SDK1: variants seen among roughly 807,000 people sequenced by gnomAD.
SDK1 encodes sidekick cell adhesion molecule 1, also known as protein sidekick-1.
A neutral mutation model predicts 245.5 loss-of-function variants in SDK1; 157 were observed. The ratio of observed to expected loss-of-function variants is 0.64; its 90% confidence interval spans 0.56 to 0.73. The LOEUF (loss-of-function observed/expected upper bound fraction) is 0.73. SDK1 is among the 30% of genes least tolerant of loss of function. The pLI, the probability that SDK1 is intolerant of heterozygous loss-of-function variation, is 0.00. For missense variants in SDK1, 3,583 were observed against 3,002.3 expected (o/e 1.19, Z -4.52); for synonymous variants, 1,647 against 1,278.5 (o/e 1.29, Z -6.15).
chr7:3,550,310 G>A (rs1211748829), intron 1 of SDK1, among the ~76,000 whole-genome samples: 4 of 152,018 alleles, frequency 2.6e-5, no homozygotes, highest in Non-Finnish European at 5.9e-5. Context: ...CCTTTATATT[G>A]TAGTCATTTG....
intron 1 of SDK1, among the ~76,000 whole-genome samples, chr7:3,382,993 A>G (rs1166535323): frequency 6.6e-6 from 1 of 152,218 alleles, no homozygotes; most frequent in East Asian, 1.9e-4. Context: ...CAACTTATGA[A>G]TACCATAGGT....
At chr7:3,965,566 C>T (rs746668231) in intron 9 of SDK1, among the ~76,000 whole-genome samples, 1 of 152,150 alleles carries the variant, frequency 6.6e-6, no homozygotes, top group Non-Finnish European at 1.5e-5. Context: ...TTGATTTGCT[C>T]ATTTAGCAAG....
intron 35 of SDK1, among the ~76,000 whole-genome samples, chr7:4,203,766 A>G (rs771197536): frequency 1.1e-4 from 17 of 152,244 alleles, no homozygotes; most frequent in Non-Finnish European, 2.5e-4. Context: ...GAAGTCTCCA[A>G]ACCGACACGC....
chr7:3,598,022 A>C (rs1032732791), intron 1 of SDK1, among the ~76,000 whole-genome samples: 1 of 152,148 alleles, frequency 6.6e-6, no homozygotes, highest in African/African-American at 2.4e-5. Flanking sequence ...GCCTTTTTCT[A>C]AAGTGGTTGT....
intron 8 of SDK1, among the ~76,000 whole-genome samples, chr7:3,961,612 G>T (rs1303850381): frequency 6.6e-6 from 1 of 152,148 alleles, no homozygotes; most frequent in Non-Finnish European, 1.5e-5. Flanking sequence ...AATACCTCTT[G>T]TGCCTCCTCC....
intron 1 of SDK1, among the ~76,000 whole-genome samples, chr7:3,536,258 G>A (rs1445368872): frequency 2.0e-5 from 3 of 151,534 alleles, no homozygotes; most frequent in Non-Finnish European, 4.4e-5. Flanking sequence ...ACTAGAGACG[G>A]GGTTGCACCA....
chr7:3,403,364 G>A (rs931144818), intron 1 of SDK1, among the ~76,000 whole-genome samples: 1 of 152,052 alleles, frequency 6.6e-6, no homozygotes, highest in African/African-American at 2.4e-5. Context: ...CTTTCAAATG[G>A]TGGGAAATGA....
At chr7:4,210,849 G>A (rs759428595) in intron 38 of SDK1, among the ~76,000 whole-genome samples, 17 of 152,342 alleles carry the variant, frequency 1.1e-4, no homozygotes, top group East Asian at 1.9e-4. Flanking sequence ...CAGCCCGAGC[G>A]TGATCAGTGC....
chr7:3,802,577 C>T (rs1381081877), intron 4 of SDK1, among the ~76,000 whole-genome samples: 1 of 151,954 alleles, frequency 6.6e-6, no homozygotes, highest in Non-Finnish European at 1.5e-5. Flanking sequence ...TCACCACAGA[C>T]ATCCATCCCC....
chr7:4,051,489 T>A lies in SDK1; in HGVS notation c.2719-149T>A. On this transcript the variant is annotated intron_variant, in intron 18 of 44. Transcript: ENST00000404826. ...TAAAATATATTTTTATCTCAACTTTTTTCAAGCGTGATTATAAAATGCAGG... is the reference window on the plus strand; with the variant it reads ...TAAAATATATTTTTATCTCAACTTTATTCAAGCGTGATTATAAAATGCAGG... 4.7e-6 allele frequency: 3 copies of A among 643,134 alleles called. No homozygotes were observed. The South Asian group carries it at 6.9e-5, about 15-fold the overall frequency. 39.8% of individuals were successfully genotyped at this position (643,134 alleles called of 1,614,324 possible).
In SDK1 at chr7:4,139,737, A is replaced by ATGTGTG. The variant is rs753347309; in HGVS notation, c.4229-5969_4229-5964dup. On this transcript the variant is annotated intron_variant, in intron 28 of 44. Transcript: ENST00000404826. Reference sequence around the variant, plus strand: ...TGTGTGTGTATGTGTGTGTGTGTGTATGTGTGTGTGTGTGTGTGTGTATAA... The same window carrying ATGTGTG: ...TGTGTGTGTATGTGTGTGTGTGTGTATGTGTGTGTGTGTGTGTGTGTGTGTGTATAA... 1.7e-4 allele frequency among the ~76,000 whole-genome samples: 11 copies of ATGTGTG among 63,150 alleles called. 1 individual carries two copies. The highest frequency in any genetic ancestry group is 4.7e-4 in the African/African-American group (9 of 19,132). The allele number at this position is 63,150 out of a possible 152,430, so 41.4% of individuals were successfully genotyped here. A position where few individuals can be genotyped will look rare whatever the true frequency, so the allele number is the denominator to read the frequency against.
Position 4,205,883 on chromosome 7 carries a change from G to C in SDK1, c.5103G>C (p.Pro1701=). 6.4e-7 allele frequency: 1 copy of C among 1,553,086 alleles called. No homozygotes were observed. Among genetic ancestry groups the C allele is most frequent in the Non-Finnish European group, 8.7e-7 (1 of 1,147,714 alleles). ...PVEVFVGEAA[P]AMAPQNVQVT... is the part of the protein sequence containing the mutation. ...TCCGCATTGCTCTTTCCTCAGCCCC[G>C]GCCATGGCCCCGCAGAACGTGCAGG... The change falls in exon 36 of 45, where the codon CCG becomes CCC. Residue 1701 remains proline, a synonymous_variant. Transcript: ENST00000404826.
intron 25 of SDK1, among the ~76,000 whole-genome samples, chr7:4,122,314 G>C (rs527377274): frequency 1.1e-4 from 17 of 152,106 alleles, no homozygotes; most frequent in East Asian, 1.9e-4. Flanking sequence ...TTTTTGAAAT[G>C]GGGGGAGGCA....
At chr7:4,077,231 CT>C in intron 21 of SDK1, 42 bp downstream of exon 21, 1 of 1,578,422 alleles carries the variant, frequency 6.3e-7, no homozygotes, top group South Asian at 1.1e-5. Context: ...TCACCTTTCT[CT>C]TGGAGATTCC....
intron 22 of SDK1, among the ~76,000 whole-genome samples, chr7:4,086,508 C>T (rs1166229149): frequency 6.6e-6 from 1 of 152,120 alleles, no homozygotes; most frequent in Non-Finnish European, 1.5e-5. Flanking sequence ...TGCTGTCAGC[C>T]ATGGTCATTC....
intron 4 of SDK1, among the ~76,000 whole-genome samples, chr7:3,752,071 A>G (rs2115065557): frequency 6.6e-6 from 1 of 152,288 alleles, no homozygotes; most frequent in African/African-American, 2.4e-5. Flanking sequence ...TTTTGGGAGA[A>G]AGTTAACCAA....
At chr7:3,931,091 C>T (rs1293717754) in intron 5 of SDK1, among the ~76,000 whole-genome samples, 3 of 152,076 alleles carry the variant, frequency 2.0e-5, no homozygotes, top group South Asian at 2.1e-4. Flanking sequence ...ACTTCTAATC[C>T]GAGAGACGTT....
intron 5 of SDK1, among the ~76,000 whole-genome samples, chr7:3,838,316 A>C (rs1393533513): frequency 6.6e-6 from 1 of 152,246 alleles, no homozygotes; most frequent in Non-Finnish European, 1.5e-5. Context: ...TACCTGAGCC[A>C]CGGTTGAGAG....
At chr7:3,797,152 G>A (rs1264992621) in intron 4 of SDK1, among the ~76,000 whole-genome samples, 1 of 151,958 alleles carries the variant, frequency 6.6e-6, no homozygotes, top group Non-Finnish European at 1.5e-5. Context: ...GACTACAGAT[G>A]TGTGCCATTG....
Sources: gnomAD v4.1 joint callset for allele counts (sites outside exome capture counted in the v4.1 genomes callset) on GRCh38, gnomAD v4.1.1 for gene constraint, MANE v1.5 for transcripts, NCBI Gene and HGNC (gene_info 2026-07-23, HGNC 2026-07-21) for gene names.